DOT1L: variants seen among roughly 807,000 people sequenced by gnomAD.
DOT1L encodes histone-lysine N-methyltransferase, H3 lysine-79 specific.
DOT1L carries 33 observed loss-of-function variants against 153.3 expected under a neutral mutation model. The observed-to-expected ratio is 0.22, with a 90% CI of 0.16 to 0.29. DOT1L has a LOEUF of 0.29. Among genes scored for constraint, DOT1L ranks in the 10% least tolerant of loss-of-function variants. The pLI is 1.00. For synonymous variants in DOT1L, 1,135 were observed against 965.1 expected (o/e 1.18, Z -3.26); for missense variants, 1,847 against 2,119.9 (o/e 0.87, Z 2.53).
At position 2,202,462 on chromosome 19, in the gene DOT1L, G is replaced by A. The variant is rs558186859; in HGVS notation, c.708-238G>A. ...CACTGGACTCCAAGATTCACAATAA[G>A]AGACTTGGTCACGAATCCTGCCCCC... On this transcript the variant is annotated intron_variant, in intron 8 of 27. Transcript: ENST00000398665. 9.2e-5 allele frequency among the ~76,000 whole-genome samples: 14 copies of A among 152,348 alleles called. No individual in the cohort carries two copies. The East Asian group carries it at 2.3e-3, about 25-fold the overall frequency.
Position 2,216,762 on chromosome 19 carries a change from C to A in DOT1L, c.2405C>A (p.Ser802Ter). Residue 802 changes from serine to a stop codon, truncating the protein, a stop_gained, in exon 20 of 28, where the codon TCG becomes TAG. Coordinates refer to ENST00000398665, the MANE Select transcript of DOT1L (RefSeq NM_032482.3). LOFTEE classifies it high-confidence loss of function. ...PGRPAASELH[S>*]RAEHTKENGL... ...AGGCCGGCTGCCAGTGAGCTGCATTCGAGGTGAGTGCCCTGGTGGGGCTGG... is the reference window on the plus strand; with the variant it reads ...AGGCCGGCTGCCAGTGAGCTGCATTAGAGGTGAGTGCCCTGGTGGGGCTGG... 6.3e-7 allele frequency: 1 copy of A among 1,588,618 alleles called. No individual in the cohort carries two copies.
intron 12 of DOT1L, among the ~76,000 whole-genome samples, chr19:2,209,324 T>C (rs1353208445): frequency 2.0e-5 from 3 of 152,210 alleles, no homozygotes; most frequent in Non-Finnish European, 1.5e-5. Context: ...GCCTTGTCTT[T>C]GATGGTTTGG....
chr19:2,176,460 A>C (rs1037591828), intron 1 of DOT1L, among the ~76,000 whole-genome samples: 2 of 152,126 alleles, frequency 1.3e-5, no homozygotes, highest in South Asian at 4.1e-4. Flanking sequence ...TCATTTTTAG[A>C]AGTACACTTA....
intron 1 of DOT1L, among the ~76,000 whole-genome samples, chr19:2,177,455 C>G (rs1055573591): frequency 6.6e-6 from 1 of 152,164 alleles, no homozygotes; most frequent in South Asian, 2.1e-4. Flanking sequence ...CGCCACCACA[C>G]CCAGCTAATT....
chr19:2,208,528 C>T lies in DOT1L; in HGVS notation c.964-407C>T, dbSNP rs995762348. 2.0e-5 allele frequency among the ~76,000 whole-genome samples: 3 copies of T among 152,302 alleles called. No homozygotes were observed. Among genetic ancestry groups the T allele is most frequent in the South Asian group, 4.1e-4 (2 of 4,830 alleles). Reference sequence around the variant, plus strand: ...GGCTCTGGGGGCTTGGCCTACCGTGCGGCCCCCACCTCCACGCAGTGCTGC... The same window carrying T: ...GGCTCTGGGGGCTTGGCCTACCGTGTGGCCCCCACCTCCACGCAGTGCTGC... On this transcript the variant is annotated intron_variant, in intron 11 of 27. Coordinates refer to ENST00000398665, the MANE Select transcript of DOT1L (RefSeq NM_032482.3). This position sits in a 1 kb window ranked among gnomAD's most constrained non-coding sequence, Gnocchi z 4.4.
chr19:2,187,902 A>G (rs1246409293), intron 3 of DOT1L, among the ~76,000 whole-genome samples: 2 of 146,866 alleles, frequency 1.4e-5, no homozygotes, highest in Non-Finnish European at 3.0e-5. Flanking sequence ...AGCCTGGGTG[A>G]CAGAGCGAGA....
intron 3 of DOT1L, among the ~76,000 whole-genome samples, chr19:2,187,287 C>G (rs1227676328): frequency 6.6e-6 from 1 of 152,232 alleles, no homozygotes; most frequent in African/African-American, 2.4e-5. Context: ...TGGCACCTCA[C>G]TTGTGTGTGG....
chr19:2,173,051 C>T (rs1294012852), intron 1 of DOT1L, among the ~76,000 whole-genome samples: 6 of 152,074 alleles, frequency 3.9e-5, no homozygotes, highest in African/African-American at 4.8e-5. Flanking sequence ...ATTGTGCAGT[C>T]GTCACCATTG....
chr19:2,188,615 C>T (rs2022654278), intron 3 of DOT1L, among the ~76,000 whole-genome samples: 1 of 151,982 alleles, frequency 6.6e-6, no homozygotes, highest in South Asian at 2.1e-4. Context: ...CTCTTGCTTG[C>T]CTCGCCACAT....
intron 26 of DOT1L, 53 bp from the exon 27 acceptor site, chr19:2,226,130 G>A: frequency 1.4e-6 from 2 of 1,478,236 alleles, no homozygotes; most frequent in Non-Finnish European, 1.8e-6. Flanking sequence ...AGCCTCATGG[G>A]TAGCCCGGGC....
At chr19:2,185,449 T>G (rs1033535845) in intron 2 of DOT1L, among the ~76,000 whole-genome samples, 1 of 152,292 alleles carries the variant, frequency 6.6e-6, no homozygotes, top group East Asian at 1.9e-4. Flanking sequence ...ATGTTTGTTT[T>G]CTGTTGGAGA....
chr19:2,216,167 C>A, intron 19 of DOT1L, 114 bp from the exon 20 acceptor site: 1 of 1,443,772 alleles, frequency 6.9e-7, no homozygotes, highest in Non-Finnish European at 9.2e-7. Flanking sequence ...TTTTTCCATC[C>A]CACACAAGCA....
intron 1 of DOT1L, 105 bp downstream of exon 1, chr19:2,164,370 G>A: frequency 1.4e-6 from 1 of 737,044 alleles, no homozygotes; most frequent in Non-Finnish European, 1.8e-6. Context: ...CCCCCCTGCG[G>A]AACGGAGACC....
At chr19:2,214,659 C>T (rs1400984242) in intron 19 of DOT1L, 63 bp downstream of exon 19, 18 of 1,583,042 alleles carry the variant, frequency 1.1e-5, no homozygotes, top group East Asian at 6.8e-5. Context: ...CTCCCTGTGA[C>T]GTCGTTGAGC....
At chr19:2,178,993 G>T (rs970533677) in intron 1 of DOT1L, among the ~76,000 whole-genome samples, 1 of 152,132 alleles carries the variant, frequency 6.6e-6, no homozygotes, top group African/African-American at 2.4e-5. Flanking sequence ...TGGCATATAC[G>T]TCCCATCCCA....
At position 2,227,722 on chromosome 19, in the gene DOT1L, C is replaced by T. The variant is rs751298775; in HGVS notation, c.4606+595C>T. ...TGCCGCTTGTTGAAGCTGCGTTTTT[C>T]TCTCCTATTTGCAGGTGTCTTTAAC... On this transcript the variant is annotated intron_variant, in intron 27 of 27. Coordinates refer to ENST00000398665, the MANE Select transcript of DOT1L (RefSeq NM_032482.3). The T allele has an allele frequency of 4.6e-6, 6 of 1,308,840 alleles. No homozygotes were observed. The South Asian group carries it at 6.1e-5, about 13-fold the overall frequency. 81.1% of individuals were successfully genotyped at this position (1,308,840 alleles called of 1,614,324 possible). A position where few individuals can be genotyped will look rare whatever the true frequency, so the allele number is the denominator to read the frequency against.
chr19:2,223,730 A>T (rs1047431112), intron 25 of DOT1L, among the ~76,000 whole-genome samples: 2 of 152,302 alleles, frequency 1.3e-5, no homozygotes, highest in Admixed American at 1.3e-4. Context: ...TAGAAGAGGC[A>T]AGCTGAGGAG....
chr19:2,179,786 GACAA>G lies in DOT1L; in HGVS notation c.82-911_82-908del, dbSNP rs373685136. Among the ~76,000 whole-genome samples the G allele has an allele frequency of 2.5e-3, 385 of 152,140 alleles. 1 individual carries two copies. Among genetic ancestry groups the G allele is most frequent in the African/African-American group, 8.1e-3 (337 of 41,524 alleles). ...TGCACCACTTCACTCCAGCCTGGGC[GACAA>G]ACAAACAAACAAACAGAAAAAAGAC... On this transcript the variant is annotated intron_variant, in intron 1 of 27. Transcript: ENST00000398665.
intron 2 of DOT1L, among the ~76,000 whole-genome samples, chr19:2,182,051 T>A (rs2022264869): frequency 6.6e-6 from 1 of 151,858 alleles, no homozygotes; most frequent in African/African-American, 2.4e-5. Context: ...GGGGAAACCC[T>A]GTCTCTACTA....
Sources: allele counts gnomAD v4.1 joint callset (sites outside exome capture counted in the v4.1 genomes callset), GRCh38; gene constraint gnomAD v4.1.1; non-coding constraint Gnocchi (gnomAD v3.1); transcripts MANE v1.5; gene names NCBI Gene and HGNC (gene_info 2026-07-23, HGNC 2026-07-21).